PCSK5: variants seen among roughly 807,000 people sequenced by gnomAD.
The protein encoded by PCSK5 is prohormone convertase 5.
A neutral mutation model predicts 233.2 loss-of-function variants in PCSK5; 129 were observed. That is an observed-to-expected ratio of 0.55 (90% CI 0.48 to 0.64). PCSK5 has a LOEUF of 0.64. Among genes scored for constraint, PCSK5 ranks in the 30% least tolerant of loss-of-function variants. PCSK5 has a pLI of 0.00. For synonymous variants in PCSK5, 825 were observed against 879.2 expected (o/e 0.94, Z 1.09); for missense variants, 2,076 against 2,430.1 (o/e 0.85, Z 3.06).
intron 5 of PCSK5, among the ~76,000 whole-genome samples, chr9:76,057,149 G>A (rs1829850819): frequency 6.6e-6 from 1 of 152,112 alleles, no homozygotes; most frequent in Non-Finnish European, 1.5e-5. Context: ...TGTGGTCTCT[G>A]AGCAAAAACA....
intron 20 of PCSK5, among the ~76,000 whole-genome samples, chr9:76,191,311 A>G (rs1036584020): frequency 1.3e-5 from 2 of 152,190 alleles, no homozygotes; most frequent in Non-Finnish European, 2.9e-5. Context: ...TGGAAATTTC[A>G]TGAAAGGAAA....
rs72734662 is a variant in PCSK5, at chr9:76,156,476, A to T, written c.1313-569A>T. On this transcript the variant is annotated intron_variant, in intron 10 of 37. Transcript: ENST00000674117. ...CTAAGGTAGTCAACCTAATTACTAG[A>T]TATGTCAGAACGTTAGCATCTCTTG... 9.5e-3 allele frequency among the ~76,000 whole-genome samples: 1,443 copies of T among 152,352 alleles called. 13 individuals carry two copies. Among genetic ancestry groups the T allele is most frequent in the South Asian group, 0.015 (70 of 4,826 alleles).
At chr9:76,080,136 C>G (rs1830779721) in intron 7 of PCSK5, among the ~76,000 whole-genome samples, 1 of 151,986 alleles carries the variant, frequency 6.6e-6, no homozygotes. Flanking sequence ...CCTTGCCATC[C>G]TCCAACTTTC....
chr9:76,165,846 G>T, intron 12 of PCSK5, among the ~76,000 whole-genome samples: 1 of 152,178 alleles, frequency 6.6e-6, no homozygotes, highest in Non-Finnish European at 1.5e-5. Context: ...TTCACGCTGG[G>T]CATTAAGCTT....
chr9:76,046,173 T>TTTG (rs1829375340), intron 5 of PCSK5, among the ~76,000 whole-genome samples: 3 of 84,488 alleles, frequency 3.6e-5, no homozygotes, highest in Non-Finnish European at 4.8e-5. Flanking sequence ...TTTTTTTTTT[T>TTTG]TTTTTTTTTT....
rs369425751 is a variant in PCSK5, at chr9:75,918,729, A to AT, written c.193-13649dup. ...AATGCTGAAATATTTCATTTATTTC[A>AT]TAAAAGGAAAGCTTTACATATTGCA... On this transcript the variant is annotated intron_variant, in intron 1 of 37. Coordinates refer to ENST00000674117, the MANE Select transcript of PCSK5 (RefSeq NM_001372043.1). Among the ~76,000 whole-genome samples the AT allele has an allele frequency of 3.0e-3, 453 of 152,354 alleles. 1 individual carries two copies. Among genetic ancestry groups the AT allele is most frequent in the Non-Finnish European group, 3.2e-3 (219 of 68,040 alleles).
chr9:76,181,506 C>T lies in PCSK5; in HGVS notation c.2112C>T (p.Cys704=), dbSNP rs1401540150. 1.9e-6 allele frequency: 3 copies of T among 1,613,950 alleles called. No individual in the cohort carries two copies. Among genetic ancestry groups the T allele is most frequent in the Non-Finnish European group, 2.5e-6 (3 of 1,179,870 alleles). Residue 704 remains cysteine (C), a synonymous_variant, in exon 16 of 38, where the codon TGC becomes TGT. Transcript: ENST00000674117. ...ESCFGSHGDQ[C]MSCKYGYFLN... ...GCTTTGGGAGCCATGGTGACCAATG[C>T]ATGTCCTGCAAATATGGATACTTTC...
At chr9:76,185,175 C>T (rs1824044354) in intron 17 of PCSK5, among the ~76,000 whole-genome samples, 1 of 152,128 alleles carries the variant, frequency 6.6e-6, no homozygotes, top group Non-Finnish European at 1.5e-5. Context: ...TCCACATAGC[C>T]AATCATTCTC....
At chr9:76,112,067 G>A (rs1013082850) in intron 9 of PCSK5, among the ~76,000 whole-genome samples, 1 of 152,134 alleles carries the variant, frequency 6.6e-6, no homozygotes, top group African/African-American at 2.4e-5. Flanking sequence ...TATTTCATAT[G>A]TAACAATATC....
chr9:76,359,867 T>C lies in PCSK5; in HGVS notation c.*945T>C, dbSNP rs188741300. ...AACCGTGGACTCTCAATAGAAAGAG[T>C]TGGAATAGAGTCTAACATGGAAAAA... On this transcript the variant is annotated 3_prime_UTR_variant, in exon 38 of 38. Coordinates refer to ENST00000674117, the MANE Select transcript of PCSK5 (RefSeq NM_001372043.1). 1.3e-5 allele frequency: 2 copies of C among 151,888 alleles called. No individual in the cohort carries two copies. The allele number at this position is 151,888 out of a possible 1,614,324, so 9.4% of individuals were successfully genotyped here.
intron 20 of PCSK5, among the ~76,000 whole-genome samples, chr9:76,216,559 G>A (rs545656731): frequency 6.6e-6 from 1 of 152,232 alleles, no homozygotes; most frequent in South Asian, 2.1e-4. Flanking sequence ...TTAAGCAATA[G>A]AGGAAGAGCT....
At chr9:76,072,999 C>T (rs1342158605) in intron 7 of PCSK5, among the ~76,000 whole-genome samples, 2 of 152,186 alleles carry the variant, frequency 1.3e-5, no homozygotes, top group African/African-American at 2.4e-5. Flanking sequence ...ATTGCGAGTT[C>T]CTAGAGAGCA....
At chr9:76,349,543 C>T (rs1258760018) in intron 35 of PCSK5, among the ~76,000 whole-genome samples, 1 of 152,126 alleles carries the variant, frequency 6.6e-6, no homozygotes, top group Non-Finnish European at 1.5e-5. Context: ...TATTTTTCCA[C>T]AGAAACATTA....
Position 76,189,214 on chromosome 9 carries a change from C to G in PCSK5, c.2501C>G (p.Ser834Cys), listed in dbSNP as rs756872987. 6.2e-7 allele frequency: 1 copy of G among 1,612,520 alleles called. No individual in the cohort carries two copies. The highest frequency in any genetic ancestry group is 8.5e-7 in the Non-Finnish European group (1 of 1,179,656). Residue 834 changes from serine to cysteine, a missense_variant, in exon 19 of 38, where the codon TCC (serine) becomes TGC (cysteine). Ser to Cys is a moderately radical substitution (Grantham distance 112). Transcript: ENST00000674117. ...CACTCTTCAGAGAATGGATACAAAT[C>G]CTGCAAAAAGTAAGTGGATCTGCCC... Reference protein sequence around the residue: ...FDHSSENGYKSCKKCDISCLT... With the variant: ...FDHSSENGYKCCKKCDISCLT...
intron 3 of PCSK5, among the ~76,000 whole-genome samples, chr9:76,020,518 A>G (rs536492237): frequency 6.6e-6 from 1 of 152,162 alleles, no homozygotes; most frequent in African/African-American, 2.4e-5. Flanking sequence ...CCTTTTTGTC[A>G]TCTGTATTTT....
At chr9:76,112,821 G>A (rs561419298) in intron 9 of PCSK5, among the ~76,000 whole-genome samples, 66 of 152,070 alleles carry the variant, frequency 4.3e-4, no homozygotes, top group African/African-American at 1.3e-3. Context: ...CAATGAAATC[G>A]TTCTGGGGGA....
chr9:75,994,364 C>T (rs1045419947), intron 3 of PCSK5, among the ~76,000 whole-genome samples: 3 of 148,024 alleles, frequency 2.0e-5, no homozygotes, highest in African/African-American at 7.5e-5. Context: ...TATCCGCCTC[C>T]CAACCTCCCA....
chr9:76,160,433 T>C (rs1822803883), intron 12 of PCSK5, among the ~76,000 whole-genome samples: 1 of 152,182 alleles, frequency 6.6e-6, no homozygotes. Flanking sequence ...TAAAGCTTCT[T>C]TGATTTTTTT....
chr9:76,179,239 A>C (rs546635199), intron 14 of PCSK5, among the ~76,000 whole-genome samples: 1 of 152,242 alleles, frequency 6.6e-6, no homozygotes, highest in Admixed American at 6.5e-5. Flanking sequence ...CTACAAATCC[A>C]ATCTTTTTAC....
Sources: allele counts gnomAD v4.1 joint callset (sites outside exome capture counted in the v4.1 genomes callset), GRCh38; gene constraint gnomAD v4.1.1; transcripts MANE v1.5; gene names NCBI Gene and HGNC (gene_info 2026-07-23, HGNC 2026-07-21).